DIP2C: variants seen among roughly 807,000 people sequenced by gnomAD.
DIP2C encodes the protein disco-interacting protein 2 homolog C.
A neutral mutation model predicts 192.4 loss-of-function variants in DIP2C; 33 were observed. The observed-to-expected ratio is 0.17, with a 90% CI of 0.13 to 0.23. The LOEUF is 0.23. DIP2C is among the 10% of genes least tolerant of loss of function. The probability of loss-of-function intolerance (pLI) is 1.00; values close to 1 mark genes in which losing one functional copy is unlikely to be tolerated. For missense variants in DIP2C, 1,537 were observed against 2,110.1 expected (o/e 0.73, Z 5.32); for synonymous variants, 979 against 864.1 (o/e 1.13, Z -2.33).
At position 419,056 on chromosome 10, in the gene DIP2C, G is replaced by C. The variant is rs1432614670; in HGVS notation, c.739+9C>G. 6.2e-7 allele frequency: 1 copy of C among 1,614,232 alleles called. No homozygotes were observed. The highest frequency in any genetic ancestry group is 8.5e-7 in the Non-Finnish European group (1 of 1,180,042). On this transcript the variant is annotated intron_variant, in intron 6 of 36. Transcript: ENST00000280886. ...CCAGAAAAAAACGCATCTCTCCTTT[G>C]GGACGTACCATCCCCGGTCTCCATG... is the stretch of plus-strand genomic sequence containing the variant.
chr10:522,584 G>GCCAGGC (rs1187920912), intron 1 of DIP2C, among the ~76,000 whole-genome samples: 2 of 152,206 alleles, frequency 1.3e-5, no homozygotes, highest in African/African-American at 4.8e-5. Context: ...TCCAGTTTTG[G>GCCAGGC]CCAGGCTGCT....
chr10:592,480 T>C (rs914944572), intron 1 of DIP2C, among the ~76,000 whole-genome samples: 1 of 151,538 alleles, frequency 6.6e-6, no homozygotes, highest in South Asian at 2.1e-4. Flanking sequence ...TCCTCAGCAG[T>C]GAAAATAAAC....
chr10:544,475 A>G (rs1848175728), intron 1 of DIP2C, among the ~76,000 whole-genome samples: 1 of 152,196 alleles, frequency 6.6e-6, no homozygotes, highest in Non-Finnish European at 1.5e-5. Flanking sequence ...TGGGTCGTAC[A>G]GTGATTTTAT....
At chr10:617,554 TC>T (rs764188958) in intron 1 of DIP2C, among the ~76,000 whole-genome samples, 63 of 152,216 alleles carry the variant, frequency 4.1e-4, no homozygotes, top group Non-Finnish European at 9.1e-4. Context: ...GGGTGTGTCC[TC>T]TATTCCCACT....
intron 11 of DIP2C, 76 bp downstream of exon 11, chr10:390,664 C>T (rs941934733): frequency 4.1e-5 from 63 of 1,553,288 alleles, no homozygotes; most frequent in African/African-American, 5.5e-5. Flanking sequence ...GAAACCGAGG[C>T]GGGGTGACGT....
chr10:379,671 A>G (rs772220911), intron 17 of DIP2C, among the ~76,000 whole-genome samples: 1 of 152,244 alleles, frequency 6.6e-6, no homozygotes, highest in Non-Finnish European at 1.5e-5. Flanking sequence ...GAGGGCCAAA[A>G]TTCTACAAAT....
At position 479,642 on chromosome 10, in the gene DIP2C, T is replaced by C. The variant is rs1843437923; in HGVS notation, c.157+6817A>G. 2.0e-5 allele frequency among the ~76,000 whole-genome samples: 3 copies of C among 152,138 alleles called. No individual in the cohort carries two copies. The South Asian group carries it at 6.2e-4, about 31-fold the overall frequency. On this transcript the variant is annotated intron_variant, in intron 2 of 36. Coordinates refer to ENST00000280886, the MANE Select transcript of DIP2C (RefSeq NM_014974.3). ...AGCCAATGCGCCCGTCCCCACACTG[T>C]CCTCCTTTCTATCCATCTTTCATGA...
In DIP2C at chr10:381,522, G is replaced by A. The variant is rs542475426; in HGVS notation, c.1991+1125C>T. Among the ~76,000 whole-genome samples the A allele has an allele frequency of 2.0e-5, 3 of 152,296 alleles. No homozygotes were observed. The South Asian group carries it at 6.2e-4, about 32-fold the overall frequency. On this transcript the variant is annotated intron_variant, in intron 17 of 36. Coordinates refer to ENST00000280886, the MANE Select transcript of DIP2C (RefSeq NM_014974.3). ...GAGGTGGCTCTGGAGAGGGGCTGCT[G>A]TAACCCATGGTGGGCCGTGTCCAGA...
intron 6 of DIP2C, among the ~76,000 whole-genome samples, chr10:416,605 G>T (rs527561908): frequency 1.3e-5 from 2 of 152,082 alleles, no homozygotes; most frequent in East Asian, 3.8e-4. Context: ...ACCGAGAAAA[G>T]CCCCATTTTA....
chr10:677,257 A>G (rs563255448), intron 1 of DIP2C, among the ~76,000 whole-genome samples: 112 of 152,270 alleles, frequency 7.4e-4, no homozygotes, highest in African/African-American at 2.6e-3. Context: ...TTTCCTGCCC[A>G]CAGCACTGCC....
At chr10:341,427 C>T (rs1256567474) in intron 28 of DIP2C, 98 bp from the exon 29 acceptor site, 1 of 1,536,472 alleles carries the variant, frequency 6.5e-7, no homozygotes, top group Non-Finnish European at 8.9e-7. Context: ...GTGTTGAACG[C>T]ATCGGACCTG....
intron 17 of DIP2C, among the ~76,000 whole-genome samples, chr10:372,445 T>C (rs778752311): frequency 4.4e-4 from 67 of 152,332 alleles, no homozygotes; most frequent in Middle Eastern, 3.4e-3. Context: ...ATTGAATATG[T>C]TAAGATTACA....
At chr10:412,738 C>T (rs1180580636) in intron 8 of DIP2C, among the ~76,000 whole-genome samples, 1 of 152,182 alleles carries the variant, frequency 6.6e-6, no homozygotes, top group East Asian at 1.9e-4. Flanking sequence ...CTTTTGACCT[C>T]CATGGCTAAT....
At chr10:585,802 A>C (rs1159541189) in intron 1 of DIP2C, among the ~76,000 whole-genome samples, 2 of 152,190 alleles carry the variant, frequency 1.3e-5, no homozygotes, top group Non-Finnish European at 2.9e-5. Flanking sequence ...TTAATCACCA[A>C]CAACACTAGT....
rs552078178 is a variant in DIP2C, at chr10:567,769, C to A, written c.86-81239G>T. ...CCTCCTGCCTCAGCCTCCAGAGTAG[C>A]TGGGACTATAGGTGTACACCACCTC... On this transcript the variant is annotated intron_variant, in intron 1 of 36. Coordinates refer to ENST00000280886, the MANE Select transcript of DIP2C (RefSeq NM_014974.3). Among the ~76,000 whole-genome samples, 25 of 152,266 alleles carry A rather than the reference C, an allele frequency of 1.6e-4. 1 individual carries two copies. In the South Asian group the frequency reaches 5.2e-3, roughly 32 times the overall value.
At chr10:297,237 CACAT>C (rs1236350047) in intron 32 of DIP2C, among the ~76,000 whole-genome samples, 3 of 63,448 alleles carry the variant, frequency 4.7e-5, no homozygotes, top group African/African-American at 7.7e-5. Context: ...CCCACCCCAC[CACAT>C]ACACACACAC....
chr10:309,799 C>T (rs923658504), intron 32 of DIP2C, among the ~76,000 whole-genome samples: 1 of 152,102 alleles, frequency 6.6e-6, no homozygotes, highest in Non-Finnish European at 1.5e-5. Flanking sequence ...GATCCGCCTA[C>T]CTCAGCCTCC....
chr10:517,389 A>G (rs1588367688), intron 1 of DIP2C, among the ~76,000 whole-genome samples: 1 of 152,178 alleles, frequency 6.6e-6, no homozygotes, highest in African/African-American at 2.4e-5. Context: ...GTCCTGAGTC[A>G]GCAGCTGTTT....
intron 32 of DIP2C, among the ~76,000 whole-genome samples, chr10:291,103 A>G (rs1391905190): frequency 1.3e-5 from 2 of 152,192 alleles, no homozygotes; most frequent in African/African-American, 4.8e-5. Flanking sequence ...CCAGCCACTA[A>G]GGGGGCATGG....
Sources: allele counts gnomAD v4.1 joint callset (sites outside exome capture counted in the v4.1 genomes callset), GRCh38; gene constraint gnomAD v4.1.1; transcripts MANE v1.5; gene names NCBI Gene and HGNC (gene_info 2026-07-23, HGNC 2026-07-21).